IL1RAPL1: variants seen among roughly 807,000 people sequenced by gnomAD.
The protein encoded by IL1RAPL1 is interleukin 1 receptor accessory protein like 1.
IL1RAPL1 carries 3 observed loss-of-function variants against 48.4 expected under a neutral mutation model. The ratio of observed to expected loss-of-function variants is 0.06; its 90% CI spans 0.03 to 0.16. The LOEUF (loss-of-function observed/expected upper bound fraction) is 0.16. Ranked by LOEUF, IL1RAPL1 falls within the 10% of genes least tolerant of loss-of-function variation. IL1RAPL1 has a pLI of 1.00. For missense variants in IL1RAPL1, 349 were observed against 530.6 expected (o/e 0.66, Z 3.36); for synonymous variants, 185 against 187.7 (o/e 0.99, Z 0.12).
chrX:29,865,290 A>G (rs1931666720), intron 6 of IL1RAPL1, among the ~76,000 whole-genome samples: 3 of 112,159 alleles, frequency 2.7e-5, no homozygotes, highest in South Asian at 7.5e-4. Flanking sequence ...TGTTCTTGGT[A>G]GCAATTTCCT....
intron 6 of IL1RAPL1, among the ~76,000 whole-genome samples, chrX:29,799,748 G>A (rs767934359): frequency 7.0e-4 from 78 of 112,120 alleles, no homozygotes; most frequent in African/African-American, 2.4e-3. Context: ...AAGTTTTGTT[G>A]GGCAGGCAGT....
intron 3 of IL1RAPL1, among the ~76,000 whole-genome samples, chrX:29,363,750 C>T (rs780223997): frequency 9.1e-6 from 1 of 110,470 alleles, no homozygotes; most frequent in South Asian, 3.9e-4. Flanking sequence ...CAGGGGAGTG[C>T]CGCACACTTT....
chrX:29,411,580 T>G (rs1005768822), intron 5 of IL1RAPL1, among the ~76,000 whole-genome samples: 3 of 111,652 alleles, frequency 2.7e-5, no homozygotes, highest in African/African-American at 9.8e-5. Context: ...TCCAACGGAT[T>G]GCTTGCCTCT....
chrX:28,610,486 A>G (rs1270028644), intron 1 of IL1RAPL1, among the ~76,000 whole-genome samples: 1 of 112,623 alleles, frequency 8.9e-6, no homozygotes, highest in African/African-American at 3.2e-5. Context: ...TAAGGCATGG[A>G]AGTAAATCCA....
intron 6 of IL1RAPL1, among the ~76,000 whole-genome samples, chrX:29,867,742 A>G (rs1460541985): frequency 6.2e-5 from 7 of 112,080 alleles, no homozygotes; most frequent in Middle Eastern, 4.2e-3. Flanking sequence ...TAAACAATTT[A>G]CTTTAACTTT....
intron 1 of IL1RAPL1, among the ~76,000 whole-genome samples, chrX:28,700,469 A>G (rs1217606524): frequency 1.8e-5 from 2 of 110,833 alleles, no homozygotes; most frequent in Non-Finnish European, 3.8e-5. Context: ...AAAGAAATTA[A>G]GTAACTTGCT....
chrX:29,841,588 A>G (rs2147193710), intron 6 of IL1RAPL1, among the ~76,000 whole-genome samples: 1 of 111,788 alleles, frequency 8.9e-6, no homozygotes, highest in East Asian at 2.8e-4. Flanking sequence ...TCACTATACT[A>G]GAATATAGTG....
intron 6 of IL1RAPL1, among the ~76,000 whole-genome samples, chrX:29,689,393 C>T (rs749414537): frequency 8.9e-6 from 1 of 111,759 alleles, no homozygotes; most frequent in Non-Finnish European, 1.9e-5. Flanking sequence ...ATAACACCTA[C>T]TGTGTGTTCA....
At chrX:29,608,623 G>A (rs73452590) in intron 5 of IL1RAPL1, among the ~76,000 whole-genome samples, 33,498 of 106,876 alleles carry the variant, frequency 0.31, 4,720 homozygotes, top group African/African-American at 0.46. Flanking sequence ...TCAGGAGATC[G>A]AGACCATCCT....
chrX:29,335,185 G>A (rs1393305804), intron 3 of IL1RAPL1, among the ~76,000 whole-genome samples: 1 of 107,759 alleles, frequency 9.3e-6, no homozygotes, highest in Non-Finnish European at 1.9e-5. Flanking sequence ...ATCAGGCAGG[G>A]AGGTTGCAGT....
chrX:29,514,847 A>G (rs779365856), intron 5 of IL1RAPL1, among the ~76,000 whole-genome samples: 68 of 112,919 alleles, frequency 6.0e-4, no homozygotes, highest in Middle Eastern at 4.6e-3. Flanking sequence ...TCTAAAACCT[A>G]AAGAATTGTA....
intron 2 of IL1RAPL1, among the ~76,000 whole-genome samples, chrX:29,156,904 C>G (rs764452689): frequency 1.8e-5 from 2 of 111,672 alleles, no homozygotes; most frequent in Admixed American, 1.9e-4. Context: ...GTTTTGATAG[C>G]CTTTTACCCA....
intron 6 of IL1RAPL1, among the ~76,000 whole-genome samples, chrX:29,694,393 T>C (rs1050384685): frequency 5.4e-5 from 6 of 112,063 alleles, no homozygotes; most frequent in African/African-American, 1.9e-4. Context: ...GAATGCAGTA[T>C]GCATATAGAT....
At chrX:29,740,615 A>G (rs1928173633) in intron 6 of IL1RAPL1, among the ~76,000 whole-genome samples, 1 of 111,165 alleles carries the variant, frequency 9.0e-6, no homozygotes, top group African/African-American at 3.3e-5. Flanking sequence ...CCACTGCCAC[A>G]CTTGTTACAT....
intron 2 of IL1RAPL1, among the ~76,000 whole-genome samples, chrX:28,853,493 G>GCGCGCA (rs1210583677): frequency 2.7e-4 from 29 of 107,053 alleles, no homozygotes; most frequent in African/African-American, 9.8e-4. Context: ...GTGTGCGCGC[G>GCGCGCA]CACACACACA....
At chrX:29,885,814 G>C (rs949753655) in intron 6 of IL1RAPL1, among the ~76,000 whole-genome samples, 2 of 111,073 alleles carry the variant, frequency 1.8e-5, no homozygotes, top group East Asian at 5.6e-4. Flanking sequence ...GCAAGACCCT[G>C]TCTCAAAAAA....
At chrX:29,641,210 A>G (rs1440057411) in intron 5 of IL1RAPL1, among the ~76,000 whole-genome samples, 2 of 111,868 alleles carry the variant, frequency 1.8e-5, no homozygotes, top group African/African-American at 6.6e-5. Context: ...AAACAAACAA[A>G]GGAAATCACT....
chrX:28,948,573 T>A (rs1420179365), intron 2 of IL1RAPL1, among the ~76,000 whole-genome samples: 3 of 111,555 alleles, frequency 2.7e-5, no homozygotes, highest in Non-Finnish European at 5.7e-5. Flanking sequence ...GTTAATTTCC[T>A]CCCTTAAAAA....
chrX:28,713,340 G>A (rs537773339), intron 1 of IL1RAPL1, among the ~76,000 whole-genome samples: 17 of 111,417 alleles, frequency 1.5e-4, no homozygotes, highest in Middle Eastern at 4.6e-3. Context: ...ACAGGCGTGA[G>A]CCACCATGCC....
Sources: allele counts gnomAD v4.1 joint callset (sites outside exome capture counted in the v4.1 genomes callset), GRCh38; gene constraint gnomAD v4.1.1; transcripts MANE v1.5; gene names NCBI Gene and HGNC (gene_info 2026-07-23, HGNC 2026-07-21).